The following PHLPP1 variants were observed in gnomAD, a reference collection of about 807,000 sequenced individuals.
PHLPP1 encodes PH domain leucine-rich repeat-containing protein phosphatase 1.
A neutral mutation model predicts 117.2 loss-of-function variants in PHLPP1; 42 were observed. The ratio of observed to expected loss-of-function variants is 0.36; its 90% CI spans 0.28 to 0.46. PHLPP1 has a LOEUF of 0.46. Ranked by LOEUF, PHLPP1 falls within the 20% of genes least tolerant of loss-of-function variation. The probability of loss-of-function intolerance (pLI) is 1.00; values close to 1 mark genes in which losing one functional copy is unlikely to be tolerated. For synonymous variants in PHLPP1, 1,042 were observed against 970.7 expected (o/e 1.07, Z -1.37); for missense variants, 2,084 against 2,241.9 (o/e 0.93, Z 1.42).
intron 2 of PHLPP1, 57 bp from the exon 3 acceptor site, chr18:62,838,727 T>C (rs757245779): frequency 2.5e-6 from 4 of 1,578,694 alleles, no homozygotes. Context: ...GTTAGTGAAA[T>C]ACATCAGTGG....
intron 1 of PHLPP1, among the ~76,000 whole-genome samples, chr18:62,766,076 AATATATATAT>A (rs60058262): frequency 9.2e-5 from 2 of 21,648 alleles, no homozygotes; most frequent in African/African-American, 3.0e-4. Flanking sequence ...AAAAAAAAAA[AATATATATAT>A]ATATATATAT....
chr18:62,854,661 TAC>T lies in PHLPP1; in HGVS notation c.1900-5773_1900-5772del, dbSNP rs1915447288. On this transcript the variant is annotated intron_variant, in intron 3 of 16. Transcript: ENST00000262719. ...TGACCTGATGGCATAGAGTTAATAG[TAC>T]TGGCTCTTGTTCAAACTCTGATCCT... Among the ~76,000 whole-genome samples, 5 of 151,948 alleles carry T rather than the reference TAC, an allele frequency of 3.3e-5. No individual in the cohort carries two copies. The South Asian group carries it at 1.0e-3, about 32-fold the overall frequency.
At chr18:62,967,523 G>A (rs1910936364) in intron 14 of PHLPP1, among the ~76,000 whole-genome samples, 2 of 150,626 alleles carry the variant, frequency 1.3e-5, no homozygotes, top group Non-Finnish European at 3.0e-5. Context: ...TACCTTCTTT[G>A]GTGAAAACTT....
rs979489070 is a variant in PHLPP1 at position 62,716,438 on chromosome 18, C to T, written c.755C>T (p.Pro252Leu). Residue 252 changes from proline to leucine, a missense_variant, in exon 1 of 17, where the codon CCC becomes CTC. By Grantham distance (98) the Pro-to-Leu change is moderately conservative. Transcript: ENST00000262719. The surrounding 1 kb of genome is among the most constrained non-coding windows in gnomAD (Gnocchi z 5.7). ...GGVVKVLGQG[P>L]GAAAAREPAE... is the part of the protein sequence containing the mutation. ...GTGGTGAAGGTGCTGGGCCAGGGGC[C>T]CGGAGCCGCCGCCGCCCGGGAGCCC... 2 of 1,322,716 alleles carry T rather than the reference C, an allele frequency of 1.5e-6. No homozygotes were observed. Among genetic ancestry groups the T allele is most frequent in the Non-Finnish European group, 1.9e-6 (2 of 1,039,688 alleles). The allele number at this position is 1,322,716 out of a possible 1,614,324, so 81.9% of individuals were successfully genotyped here.
At chr18:62,728,061 C>T (rs1352933243) in intron 1 of PHLPP1, among the ~76,000 whole-genome samples, 9 of 151,936 alleles carry the variant, frequency 5.9e-5, no homozygotes, top group East Asian at 3.9e-4. Flanking sequence ...CTGAGGCAGG[C>T]GGGCGGGCAG....
At chr18:62,814,838 G>A (rs1450836791) in intron 1 of PHLPP1, among the ~76,000 whole-genome samples, 2 of 152,162 alleles carry the variant, frequency 1.3e-5, no homozygotes, top group Admixed American at 1.3e-4. Flanking sequence ...GGCTCTTTTA[G>A]GGAAGTGTAG....
At chr18:62,755,901 C>T (rs1339720157) in intron 1 of PHLPP1, among the ~76,000 whole-genome samples, 1 of 152,042 alleles carries the variant, frequency 6.6e-6, no homozygotes, top group East Asian at 1.9e-4. Flanking sequence ...TTCTTACTTT[C>T]CCTTAGCAAA....
At chr18:62,859,834 T>C (rs1251776024) in intron 3 of PHLPP1, among the ~76,000 whole-genome samples, 1 of 152,206 alleles carries the variant, frequency 6.6e-6, no homozygotes, top group African/African-American at 2.4e-5. Context: ...CTATGTTCTT[T>C]CCAGCCTGTC....
chr18:62,934,549 G>A (rs943109523), intron 10 of PHLPP1, among the ~76,000 whole-genome samples: 2 of 152,126 alleles, frequency 1.3e-5, no homozygotes, highest in Admixed American at 1.3e-4. Context: ...CCGGAAACAA[G>A]AGACACTGAG....
intron 11 of PHLPP1, 48 bp from the exon 12 acceptor site, chr18:62,945,061 C>A (rs375029057): frequency 7.5e-7 from 1 of 1,325,834 alleles, no homozygotes. Context: ...CTTTGATTCT[C>A]GTCCTATATT....
intron 1 of PHLPP1, among the ~76,000 whole-genome samples, chr18:62,814,169 C>G (rs556478140): frequency 6.6e-6 from 1 of 152,180 alleles, no homozygotes; most frequent in South Asian, 2.1e-4. Flanking sequence ...ATAAATAAAC[C>G]TAATCAAATT....
intron 1 of PHLPP1, among the ~76,000 whole-genome samples, chr18:62,786,722 A>G (rs1353559303): frequency 6.6e-6 from 1 of 152,224 alleles, no homozygotes; most frequent in African/African-American, 2.4e-5. Context: ...AATAGTAGCT[A>G]CACTTAGTAG....
chr18:62,960,204 A>G (rs767434563), intron 13 of PHLPP1, among the ~76,000 whole-genome samples: 5 of 152,206 alleles, frequency 3.3e-5, no homozygotes, highest in African/African-American at 1.2e-4. Context: ...TTAAAGTTGC[A>G]TTCTTATATC....
intron 10 of PHLPP1, among the ~76,000 whole-genome samples, chr18:62,940,586 G>A (rs1214799244): frequency 4.6e-5 from 7 of 151,796 alleles, no homozygotes; most frequent in African/African-American, 1.2e-4. Flanking sequence ...GGATGGTCTC[G>A]ATCTCCTGAC....
intron 1 of PHLPP1, among the ~76,000 whole-genome samples, chr18:62,722,366 A>C (rs1422526338): frequency 1.3e-5 from 2 of 152,222 alleles, no homozygotes; most frequent in Non-Finnish European, 2.9e-5. Flanking sequence ...GAAGGGTTTG[A>C]TTGTACTGTG....
In PHLPP1 at chr18:62,882,417, C is replaced by T. The variant is rs528297541; in HGVS notation, c.2067-12594C>T. ...CCGAGTAGCTGGGACTACAGGCGCCCGCCACCGCGCCTGGATAATTTTTTT... is the reference window on the plus strand; with the variant it reads ...CCGAGTAGCTGGGACTACAGGCGCCTGCCACCGCGCCTGGATAATTTTTTT... On this transcript the variant is annotated intron_variant, in intron 4 of 16. Coordinates refer to ENST00000262719, the MANE Select transcript of PHLPP1 (RefSeq NM_194449.4). 4.2e-4 allele frequency among the ~76,000 whole-genome samples: 64 copies of T among 152,098 alleles called. No homozygotes were observed. The East Asian group carries it at 9.5e-3, about 23-fold the overall frequency.
At chr18:62,797,998 C>A (rs1324788880) in intron 1 of PHLPP1, among the ~76,000 whole-genome samples, 3 of 152,152 alleles carry the variant, frequency 2.0e-5, no homozygotes, top group Non-Finnish European at 4.4e-5. Flanking sequence ...GAATTAAAAT[C>A]TTAAATAAAA....
intron 4 of PHLPP1, among the ~76,000 whole-genome samples, chr18:62,880,584 A>G (rs1478013324): frequency 6.6e-6 from 1 of 152,014 alleles, no homozygotes; most frequent in Non-Finnish European, 1.5e-5. Context: ...CTTGAATATC[A>G]TTGGCAATTA....
At chr18:62,885,827 T>C (rs1000073180) in intron 4 of PHLPP1, among the ~76,000 whole-genome samples, 1 of 152,228 alleles carries the variant, frequency 6.6e-6, no homozygotes, top group African/African-American at 2.4e-5. Context: ...CCTCAAAATT[T>C]AGTAACTGGG....
Sources: allele counts gnomAD v4.1 joint callset (sites outside exome capture counted in the v4.1 genomes callset), GRCh38; gene constraint gnomAD v4.1.1; non-coding constraint Gnocchi (gnomAD v3.1); transcripts MANE v1.5; gene names NCBI Gene and HGNC (gene_info 2026-07-23, HGNC 2026-07-21).